GAB2: variants seen among roughly 807,000 people sequenced by gnomAD.
GAB2 encodes the protein GRB2 associated binding protein 2, also known as GRB2-associated-binding protein 2.
Under a neutral mutation model 65.5 loss-of-function variants are expected in GAB2, and 26 were observed. The observed-to-expected ratio is 0.40, with a 90% CI of 0.29 to 0.55. The LOEUF is 0.55. Among genes scored for constraint, GAB2 ranks in the 20% least tolerant of loss-of-function variants. The pLI, the probability that GAB2 is intolerant of heterozygous loss-of-function variation, is 0.53. For missense variants in GAB2, 884 were observed against 875.8 expected (o/e 1.01, Z -0.12); for synonymous variants, 321 against 329.6 (o/e 0.97, Z 0.28).
intron 1 of GAB2, among the ~76,000 whole-genome samples, chr11:78,399,782 C>G (rs1409031660): frequency 1.3e-5 from 2 of 152,200 alleles, no homozygotes; most frequent in Non-Finnish European, 2.9e-5. Flanking sequence ...ACTTAATACT[C>G]TGGACTAGAC....
At chr11:78,333,009 T>C (rs1379247012) in intron 1 of GAB2, among the ~76,000 whole-genome samples, 1 of 152,204 alleles carries the variant, frequency 6.6e-6, no homozygotes, top group African/African-American at 2.4e-5. Context: ...TCTCTTATAA[T>C]TTAATGGGAA....
At chr11:78,322,704 A>C (rs1855748919) in intron 1 of GAB2, among the ~76,000 whole-genome samples, 1 of 152,146 alleles carries the variant, frequency 6.6e-6, no homozygotes, top group Non-Finnish European at 1.5e-5. Context: ...AACATTTTTA[A>C]ATGTACAAAC....
At chr11:78,328,929 CAAAG>C (rs1855869838) in intron 1 of GAB2, among the ~76,000 whole-genome samples, 1 of 151,914 alleles carries the variant, frequency 6.6e-6, no homozygotes, top group Non-Finnish European at 1.5e-5. Flanking sequence ...CATTTTACCT[CAAAG>C]AAAAATACTC....
chr11:78,384,714 G>A (rs1227964701), intron 1 of GAB2, among the ~76,000 whole-genome samples: 1 of 152,152 alleles, frequency 6.6e-6, no homozygotes, highest in African/African-American at 2.4e-5. Context: ...TCGAACCAAT[G>A]GGTCTGTTCT....
chr11:78,256,145 A>C (rs928416518), intron 2 of GAB2, among the ~76,000 whole-genome samples: 1 of 152,252 alleles, frequency 6.6e-6, no homozygotes, highest in Admixed American at 6.5e-5. Flanking sequence ...CATGAGAGCC[A>C]AAAAATGGAA....
At chr11:78,300,524 C>CAAAAA (rs1491460683) in intron 1 of GAB2, among the ~76,000 whole-genome samples, 1 of 134,816 alleles carries the variant, frequency 7.4e-6, no homozygotes, top group African/African-American at 3.6e-5. Context: ...TATAAAAAAA[C>CAAAAA]AAAAAAACAA....
At chr11:78,412,728 T>A (rs1248988632) in intron 1 of GAB2, among the ~76,000 whole-genome samples, 12 of 152,226 alleles carry the variant, frequency 7.9e-5, no homozygotes. Flanking sequence ...AAATGAAATG[T>A]TTAATTTTTT....
At chr11:78,305,868 A>G (rs901181476) in intron 1 of GAB2, among the ~76,000 whole-genome samples, 1 of 152,212 alleles carries the variant, frequency 6.6e-6, no homozygotes, top group African/African-American at 2.4e-5. Context: ...ATGGCTTCCT[A>G]GAGGAAAAGG....
intron 1 of GAB2, among the ~76,000 whole-genome samples, chr11:78,355,797 A>G (rs1173292619): frequency 2.0e-5 from 3 of 152,016 alleles, no homozygotes; most frequent in Admixed American, 6.5e-5. Flanking sequence ...AAATGAGGCA[A>G]CTGAGGTTCT....
At chr11:78,333,895 C>G (rs1565163567) in intron 1 of GAB2, among the ~76,000 whole-genome samples, 1 of 152,140 alleles carries the variant, frequency 6.6e-6, no homozygotes, top group Non-Finnish European at 1.5e-5. Flanking sequence ...CCTGGGATTT[C>G]ACCCTCAGTT....
rs12146450 is a variant in GAB2, at chr11:78,277,069, G to A, written c.376+3532C>T. Among the ~76,000 whole-genome samples, 214 of 152,174 alleles carry A rather than the reference G, an allele frequency of 1.4e-3. 2 individuals carry two copies. Among genetic ancestry groups the A allele is most frequent in the African/African-American group, 2.5e-3 (104 of 41,516 alleles). ...CCTAACCTTGTGATCTGCCCACCTC[G>A]GCCTCCCAAAGTGCTGGGATTACAG... On this transcript the variant is annotated intron_variant, in intron 2 of 9. Transcript: ENST00000361507.
In GAB2 at chr11:78,417,669, G is replaced by A; in HGVS notation, c.52C>T (p.Pro18Ser). Residue 18 changes from proline (P) to serine (S), a missense_variant, in exon 1 of 10, where the codon CCC (proline) becomes TCC (serine). Pro to Ser is a moderately conservative substitution (Grantham distance 74, BLOSUM62 -1). Transcript: ENST00000361507. ...ACATAGCGCCTCAACTTCTTCTCGG[G>A]AGGCGATTTCCTCAGCCAGCCGGTG... ...VCTGWLRKSP[P>S]EKKLRRYAWK... 2 of 1,392,322 alleles carry A rather than the reference G, an allele frequency of 1.4e-6. No homozygotes were observed. The highest frequency in any genetic ancestry group is 9.5e-7 in the Non-Finnish European group (1 of 1,050,382). The allele number at this position is 1,392,322 out of a possible 1,614,324, so 86.2% of individuals were successfully genotyped here. A position where few individuals can be genotyped will look rare whatever the true frequency, so the allele number is the denominator to read the frequency against.
At chr11:78,317,952 T>A (rs1045168910) in intron 1 of GAB2, among the ~76,000 whole-genome samples, 2 of 152,176 alleles carry the variant, frequency 1.3e-5, no homozygotes, top group Non-Finnish European at 2.9e-5. Context: ...ACAAACAACC[T>A]GGCAGGAAGG....
intron 7 of GAB2, 26 bp from the exon 8 acceptor site, chr11:78,221,805 C>T: frequency 6.7e-7 from 1 of 1,503,424 alleles, no homozygotes; most frequent in South Asian, 1.1e-5. Context: ...AGAGTTAACA[C>T]TGGGGAAGCT....
intron 3 of GAB2, among the ~76,000 whole-genome samples, chr11:78,228,341 A>G (rs1247067374): frequency 6.6e-6 from 1 of 152,226 alleles, no homozygotes; most frequent in Admixed American, 6.5e-5. Context: ...GAAAAAAAGA[A>G]TCAATCCTTT....
At chr11:78,221,967 A>C (rs947005569) in intron 7 of GAB2, 138 bp downstream of exon 7, 2 of 711,772 alleles carry the variant, frequency 2.8e-6, no homozygotes, top group Non-Finnish European at 5.1e-6. Flanking sequence ...ACCAAGCCAC[A>C]AGACATCGAG....
At chr11:78,394,530 A>G (rs2135069727) in intron 1 of GAB2, among the ~76,000 whole-genome samples, 1 of 152,334 alleles carries the variant, frequency 6.6e-6, no homozygotes, top group Middle Eastern at 3.4e-3. Context: ...GAAAAAAGAA[A>G]AGAAAAGGTT....
chr11:78,253,302 C>CT (rs1474282401), intron 2 of GAB2, among the ~76,000 whole-genome samples: 1 of 152,014 alleles, frequency 6.6e-6, no homozygotes, highest in Non-Finnish European at 1.5e-5. Context: ...TCAAAGCTCT[C>CT]TTTTTTAGAG....
chr11:78,338,068 A>G (rs578074192), intron 1 of GAB2, among the ~76,000 whole-genome samples: 41 of 152,326 alleles, frequency 2.7e-4, no homozygotes, highest in South Asian at 8.3e-4. Flanking sequence ...ATAAAGTATA[A>G]AATGTTAAGT....
Sources: allele counts gnomAD v4.1 joint callset (sites outside exome capture counted in the v4.1 genomes callset), GRCh38; gene constraint gnomAD v4.1.1; transcripts MANE v1.5; gene names NCBI Gene and HGNC (gene_info 2026-07-23, HGNC 2026-07-21).